The following DCP1B variants were observed in gnomAD, a reference collection of about 807,000 sequenced individuals.
The protein encoded by DCP1B is decapping mRNA 1B.
A neutral mutation model predicts 60.5 loss-of-function variants in DCP1B; 47 were observed. That is an observed-to-expected ratio of 0.78 (90% CI 0.61 to 0.99). The LOEUF (loss-of-function observed/expected upper bound fraction) is 0.99. Ranked by LOEUF, DCP1B falls within the 50% of genes least tolerant of loss-of-function variation. The pLI is 0.00. For synonymous variants in DCP1B, 267 were observed against 280.3 expected (o/e 0.95, Z 0.47); for missense variants, 725 against 756.8 (o/e 0.96, Z 0.49).
intron 3 of DCP1B, among the ~76,000 whole-genome samples, chr12:1,973,335 G>A (rs1364748273): frequency 6.6e-6 from 1 of 151,908 alleles, no homozygotes; most frequent in Admixed American, 6.6e-5. Context: ...GAACATTTTG[G>A]GGGAAACAGT....
chr12:1,999,027 A>G (rs1490912273), intron 1 of DCP1B, among the ~76,000 whole-genome samples: 1 of 152,192 alleles, frequency 6.6e-6, no homozygotes, highest in Admixed American at 6.5e-5. Flanking sequence ...ATTTCAGCAA[A>G]TTTCTCATTC....
At chr12:1,959,634 T>C (rs1157616526) in intron 5 of DCP1B, among the ~76,000 whole-genome samples, 1 of 152,122 alleles carries the variant, frequency 6.6e-6, no homozygotes, top group East Asian at 1.9e-4. Context: ...ATACTGTTGG[T>C]GGGAATATTA....
downstream of DCP1B, among the ~76,000 whole-genome samples, chr12:1,941,675 C>A (rs1254197692): frequency 6.6e-6 from 1 of 152,088 alleles, no homozygotes; most frequent in Non-Finnish European, 1.5e-5. Flanking sequence ...GGGGTTTTTG[C>A]GTGGACGTCC....
intron 3 of DCP1B, among the ~76,000 whole-genome samples, chr12:1,975,406 T>C (rs965626545): frequency 1.3e-5 from 2 of 152,162 alleles, no homozygotes; most frequent in Non-Finnish European, 2.9e-5. Flanking sequence ...ATTTACTAAA[T>C]GATTTTTGGA....
Position 1,949,293 on chromosome 12 carries a change from A to G in DCP1B, c.1566T>C (p.Ser522=). 1 of 1,614,134 alleles carries G rather than the reference A, an allele frequency of 6.2e-7. No individual in the cohort carries two copies. The highest frequency in any genetic ancestry group is 1.3e-5 in the African/African-American group (1 of 75,062). ...PQRIPATAAP[S]LLMSPMVFAQ... ...CGAACACCATGGGGGACATAAGCAG[A>G]GACGGAGCTGCTGTAGCAGGGATGC... Residue 522 remains serine, a synonymous_variant, in exon 8 of 9, where the codon TCT becomes TCC. Transcript: ENST00000280665.
chr12:1,990,527 A>T (rs2039095168), intron 3 of DCP1B, among the ~76,000 whole-genome samples: 2 of 152,126 alleles, frequency 1.3e-5, no homozygotes, highest in Non-Finnish European at 2.9e-5. Flanking sequence ...CATTCATCCA[A>T]TTCAAGAAAG....
intron 3 of DCP1B, among the ~76,000 whole-genome samples, chr12:1,979,519 C>A (rs1353869524): frequency 6.6e-6 from 1 of 152,170 alleles, no homozygotes; most frequent in Non-Finnish European, 1.5e-5. Context: ...ACCATGTTGG[C>A]CAGGCTCGTC....
chr12:1,961,021 C>T (rs1329587799), intron 5 of DCP1B, among the ~76,000 whole-genome samples: 1 of 152,144 alleles, frequency 6.6e-6, no homozygotes, highest in Non-Finnish European at 1.5e-5. Flanking sequence ...ATGCTCTTTC[C>T]AAACATAAGG....
chr12:1,990,671 CAG>C (rs1340466698), intron 3 of DCP1B, among the ~76,000 whole-genome samples: 3 of 152,052 alleles, frequency 2.0e-5, no homozygotes, highest in African/African-American at 4.8e-5. Flanking sequence ...AAAGACCAGA[CAG>C]AGAGATTCTT....
chr12:1,959,186 T>C (rs1244731882), intron 5 of DCP1B, among the ~76,000 whole-genome samples: 1 of 152,246 alleles, frequency 6.6e-6, no homozygotes, highest in Non-Finnish European at 1.5e-5. Flanking sequence ...CTCTGGGCAA[T>C]GGCTTTTTCG....
At chr12:1,989,836 A>G (rs907049790) in intron 3 of DCP1B, among the ~76,000 whole-genome samples, 4 of 152,260 alleles carry the variant, frequency 2.6e-5, no homozygotes, top group Non-Finnish European at 5.9e-5. Flanking sequence ...TGAAAAACAC[A>G]GTAAGTGATT....
intron 2 of DCP1B, among the ~76,000 whole-genome samples, 159 bp downstream of exon 2, chr12:1,997,776 G>C (rs961685386): frequency 5.9e-5 from 9 of 152,144 alleles, no homozygotes; most frequent in African/African-American, 2.2e-4. Flanking sequence ...ACATTATTTG[G>C]TATTCCCTTC....
chr12:1,979,216 G>A (rs753577971), intron 3 of DCP1B, among the ~76,000 whole-genome samples: 33 of 152,246 alleles, frequency 2.2e-4, no homozygotes, highest in Non-Finnish European at 3.8e-4. Flanking sequence ...GTTTCGCCAT[G>A]TTGGCCAGGC....
intron 3 of DCP1B, among the ~76,000 whole-genome samples, chr12:1,974,421 G>A (rs1360812724): frequency 6.6e-6 from 1 of 152,106 alleles, no homozygotes; most frequent in African/African-American, 2.4e-5. Flanking sequence ...ATTAGGATAT[G>A]AGCTCCCGAA....
intron 3 of DCP1B, among the ~76,000 whole-genome samples, chr12:1,972,427 A>G (rs1170416352): frequency 1.3e-5 from 2 of 152,236 alleles, no homozygotes; most frequent in African/African-American, 4.8e-5. Context: ...CGTTACTAGC[A>G]TATGGTAGTA....
Position 1,971,069 on chromosome 12 carries a change from C to T in DCP1B, c.320-3159G>A, listed in dbSNP as rs759475921. 17 of 1,288,120 alleles carry T rather than the reference C, an allele frequency of 1.3e-5. No homozygotes were observed. In the South Asian group the frequency reaches 1.4e-4, roughly 10 times the overall value. The allele number at this position is 1,288,120 out of a possible 1,614,324, so 79.8% of individuals were successfully genotyped here. On this transcript the variant is annotated intron_variant, in intron 3 of 8. Transcript: ENST00000280665. The surrounding 1 kb of genome is among the most constrained non-coding windows in gnomAD (Gnocchi z 4.2). ...ATACATCTGGAAATTCACAATGCTT[C>T]GAGCCTTTGTTCAGCCTGGTACGCC...
rs111743296 is a variant in DCP1B at position 1,964,108 on chromosome 12, G to A, written c.522+1450C>T. ...CAATGAATGAAGTTTATAATGTCTT[G>A]CAGTTCTTTTTGTCCTTAAAATATA... On this transcript the variant is annotated intron_variant, in intron 5 of 8. Coordinates refer to ENST00000280665, the MANE Select transcript of DCP1B (RefSeq NM_152640.5). Among the ~76,000 whole-genome samples the A allele has an allele frequency of 4.6e-5, 7 of 152,186 alleles. 1 individual carries two copies. Among genetic ancestry groups the A allele is most frequent in the African/African-American group, 1.7e-4 (7 of 41,532 alleles).
chr12:1,972,886 T>C (rs1002289093), intron 3 of DCP1B, among the ~76,000 whole-genome samples: 1 of 152,080 alleles, frequency 6.6e-6, no homozygotes. Context: ...GGAATTAAGC[T>C]TTCTGGTAGT....
Position 1,991,350 on chromosome 12 carries a change from T to C in DCP1B, c.319+1914A>G, listed in dbSNP as rs1244586966. The C allele has an allele frequency of 7.2e-6, 3 of 416,544 alleles. No homozygotes were observed. The East Asian group carries it at 2.1e-4, about 30-fold the overall frequency. 25.8% of individuals were successfully genotyped at this position (416,544 alleles called of 1,614,324 possible). A position where few individuals can be genotyped will look rare whatever the true frequency, so the allele number is the denominator to read the frequency against. The stretch of plus-strand genomic sequence containing the variant: ...AAATACGGAAACATAAAATAAAATA[T>C]GAAAAACAAATTAAAATAGAACAGT... On this transcript the variant is annotated intron_variant, in intron 3 of 8. Coordinates refer to ENST00000280665, the MANE Select transcript of DCP1B (RefSeq NM_152640.5).
Sources: gnomAD v4.1 joint callset for allele counts (sites outside exome capture counted in the v4.1 genomes callset) on GRCh38, gnomAD v4.1.1 for gene constraint, Gnocchi (gnomAD v3.1) non-coding constraint, MANE v1.5 for transcripts, NCBI Gene and HGNC (gene_info 2026-07-23, HGNC 2026-07-21) for gene names.